MYCBP2: variants seen among roughly 807,000 people sequenced by gnomAD.
MYCBP2 encodes MYC binding protein 2.
A neutral mutation model predicts 525.3 loss-of-function variants in MYCBP2; 120 were observed. The observed-to-expected ratio is 0.23, with a 90% confidence interval of 0.20 to 0.27. The LOEUF (loss-of-function observed/expected upper bound fraction) is 0.27. MYCBP2 is among the 10% of genes least tolerant of loss of function. The probability of loss-of-function intolerance (pLI) is 1.00; values close to 1 mark genes in which losing one functional copy is unlikely to be tolerated. For missense variants in MYCBP2, 4,149 were observed against 5,657.1 expected, an observed-to-expected ratio of 0.73 and a Z score of 8.55; for synonymous variants, 1,894 against 1,955.8, an observed-to-expected ratio of 0.97 and a Z score of 0.83.
At chr13:77,057,740 A>G (rs1566310218) in intron 78 of MYCBP2, among the ~76,000 whole-genome samples, 1 of 152,172 alleles carries the variant, frequency 6.6e-6, no homozygotes, top group South Asian at 2.1e-4. Context: ...AGCACAGCAT[A>G]AAGAGGCAGA....
At chr13:77,185,764 A>G in intron 31 of MYCBP2, 107 bp downstream of exon 31, 2 of 773,038 alleles carry the variant, frequency 2.6e-6, no homozygotes, top group Non-Finnish European at 3.9e-6. Context: ...TTTTAGAAGC[A>G]GCTTAAATGC....
At position 77,326,612 on chromosome 13, in the gene MYCBP2, A is replaced by T; in HGVS notation, c.164T>A (p.Leu55Gln). 6.4e-7 allele frequency: 1 copy of T among 1,562,100 alleles called. No individual in the cohort carries two copies. Among genetic ancestry groups the T allele is most frequent in the Non-Finnish European group, 8.6e-7 (1 of 1,157,560 alleles). The change falls in exon 1 of 83, where the codon CTA (leucine) becomes CAA (glutamine). Residue 55 changes from leucine (L) to glutamine (Q), a missense_variant. Physicochemically the swap from Leu to Gln is moderately radical, Grantham distance 113. Transcript: ENST00000544440. The surrounding 1 kb of genome is among the most constrained non-coding windows in gnomAD (Gnocchi z 4.2). The part of the protein sequence containing the change: ...SVAAAGLGLG[L>Q]PAADSRGHYQ... ...GTGACCCCGGGAGTCCGCGGCGGGT[A>T]GCCCCAGCCCCAGCCCCGCAGCAGC...
intron 2 of MYCBP2, 28 bp downstream of exon 2, chr13:77,296,571 A>G (rs754820556): frequency 7.0e-6 from 11 of 1,562,766 alleles, no homozygotes; most frequent in African/African-American, 1.4e-5. Flanking sequence ...AAAAAGTCCT[A>G]TTCCTTATCA....
chr13:77,118,471 T>C (rs762098795), intron 55 of MYCBP2: 1 of 764,952 alleles, frequency 1.3e-6, no homozygotes, highest in Admixed American at 1.7e-5. Flanking sequence ...CTGAATGGAA[T>C]TCAATATGGC....
At chr13:77,102,561 A>C (rs1233301637) in intron 55 of MYCBP2, among the ~76,000 whole-genome samples, 1 of 151,480 alleles carries the variant, frequency 6.6e-6, no homozygotes, top group Non-Finnish European at 1.5e-5. Context: ...GTTTCAAAAA[A>C]CCAAAAACAT....
chr13:77,151,734 G>A (rs893175959), intron 46 of MYCBP2, among the ~76,000 whole-genome samples: 117 of 152,108 alleles, frequency 7.7e-4, no homozygotes, highest in African/African-American at 2.7e-3. Context: ...TCAACAAAAC[G>A]GGACTATCTT....
At chr13:77,309,100 C>T (rs1245909990) in intron 1 of MYCBP2, among the ~76,000 whole-genome samples, 3 of 152,176 alleles carry the variant, frequency 2.0e-5, no homozygotes, top group Non-Finnish European at 4.4e-5. Context: ...TATTTGTCTC[C>T]TTCCTTAAGC....
intron 28 of MYCBP2, 85 bp from the exon 29 acceptor site, chr13:77,190,420 G>T: frequency 1.2e-6 from 1 of 815,256 alleles, no homozygotes; most frequent in Non-Finnish European, 2.0e-6. Context: ...CAAATCTTAT[G>T]TCAATGAAAA....
In MYCBP2 at chr13:77,326,859, A is replaced by G; in HGVS notation, c.-84T>C. The G allele has an allele frequency of 2.4e-6, 3 of 1,266,840 alleles. No homozygotes were observed. The highest frequency in any genetic ancestry group is 3.0e-6 in the Non-Finnish European group (3 of 990,576). 78.5% of individuals were successfully genotyped at this position (1,266,840 alleles called of 1,614,324 possible). On this transcript the variant is annotated 5_prime_UTR_variant, in exon 1 of 83. Transcript: ENST00000544440. The surrounding 1 kb of genome is among the most constrained non-coding windows in gnomAD (Gnocchi z 4.2). Reference sequence around the variant, plus strand: ...CGCGCGCACACACAGCCCTTTTCCAACGACGACGGCTCCGGCGGCGGCCTC... The same window carrying G: ...CGCGCGCACACACAGCCCTTTTCCAGCGACGACGGCTCCGGCGGCGGCCTC...
intron 41 of MYCBP2, 80 bp from the exon 42 acceptor site, chr13:77,165,471 C>A: frequency 9.9e-7 from 1 of 1,011,618 alleles, no homozygotes; most frequent in African/African-American, 1.6e-5. Context: ...AATGGACTTT[C>A]TCTTTTATCA....
At position 77,081,014 on chromosome 13, in the gene MYCBP2, G is replaced by C. The variant is rs1419064618; in HGVS notation, c.11418+413C>G. On this transcript the variant is annotated intron_variant, in intron 65 of 82. Coordinates refer to ENST00000544440, the MANE Select transcript of MYCBP2 (RefSeq NM_015057.5). This position sits in a 1 kb window ranked among gnomAD's most constrained non-coding sequence, Gnocchi z 4.6. ...AAGTGCCACCAGAGTAATACAAAAA[G>C]AATCAGCAGAGGGAAAGAGTAATTT... 1 of 162,138 alleles carries C rather than the reference G, an allele frequency of 6.2e-6. No homozygotes were observed. The highest frequency in any genetic ancestry group is 2.4e-5 in the African/African-American group (1 of 41,420). The allele number at this position is 162,138 out of a possible 1,614,324, so 10.0% of individuals were successfully genotyped here.
At chr13:77,129,802 G>A (rs1359355766) in intron 52 of MYCBP2, 1 of 151,240 alleles carries the variant, frequency 6.6e-6, no homozygotes, top group Admixed American at 6.6e-5. Context: ...AAATTCATTT[G>A]GAAATGTTTC....
chr13:77,116,207 T>A (rs7319081), intron 55 of MYCBP2, among the ~76,000 whole-genome samples: 25,208 of 151,876 alleles, frequency 0.17, 2,411 homozygotes, highest in South Asian at 0.41. Flanking sequence ...TAAACAAAGT[T>A]GAGTAAATAT....
At chr13:77,131,956 A>C (rs2052948802) in intron 52 of MYCBP2, among the ~76,000 whole-genome samples, 3 of 152,216 alleles carry the variant, frequency 2.0e-5, no homozygotes, top group African/African-American at 7.2e-5. Context: ...AAAAGAAAAA[A>C]ATCTTTCCTT....
At chr13:77,180,050 A>G (rs1164459808) in intron 34 of MYCBP2, 77 bp downstream of exon 34, 3 of 1,259,480 alleles carry the variant, frequency 2.4e-6, no homozygotes, top group Non-Finnish European at 3.3e-6. Context: ...CCACAAAGCC[A>G]AAATAGTTGA....
At chr13:77,195,552 G>A (rs1198540464) in intron 26 of MYCBP2, among the ~76,000 whole-genome samples, 2 of 152,030 alleles carry the variant, frequency 1.3e-5, no homozygotes, top group Admixed American at 1.3e-4. Flanking sequence ...AGCCAAGATG[G>A]CATCACTGCA....
chr13:77,288,040 G>C, intron 3 of MYCBP2, 121 bp downstream of exon 3: 1 of 969,072 alleles, frequency 1.0e-6, no homozygotes. Flanking sequence ...CCCATAAGCC[G>C]TGTTATTTTT....
intron 82 of MYCBP2, among the ~76,000 whole-genome samples, chr13:77,049,477 C>T (rs190151309): frequency 6.6e-6 from 1 of 152,248 alleles, no homozygotes; most frequent in East Asian, 1.9e-4. Context: ...GCAACTTTCC[C>T]TAGTCTCTAC....
At chr13:77,215,679 A>G (rs2064720695) in intron 21 of MYCBP2, among the ~76,000 whole-genome samples, 1 of 152,118 alleles carries the variant, frequency 6.6e-6, no homozygotes, top group Non-Finnish European at 1.5e-5. Flanking sequence ...CTCGACCTCC[A>G]GGGCTCAAGT....
Sources: gnomAD v4.1 joint callset for allele counts (sites outside exome capture counted in the v4.1 genomes callset) on GRCh38, gnomAD v4.1.1 for gene constraint, Gnocchi (gnomAD v3.1) non-coding constraint, MANE v1.5 for transcripts, NCBI Gene and HGNC (gene_info 2026-07-23, HGNC 2026-07-21) for gene names.